The following ANO1 variants were observed in gnomAD, a reference collection of about 807,000 sequenced individuals.
ANO1 encodes anoctamin-1.
A neutral mutation model predicts 124.0 loss-of-function variants in ANO1; 59 were observed. The ratio of observed to expected loss-of-function variants is 0.48; its 90% CI spans 0.39 to 0.59. The LOEUF (loss-of-function observed/expected upper bound fraction) is 0.59. Among genes scored for constraint, ANO1 ranks in the 20% least tolerant of loss-of-function variants. ANO1 has a pLI of 0.00. For synonymous variants in ANO1, 529 were observed against 532.0 expected (o/e 0.99, Z 0.08); for missense variants, 1,059 against 1,328.0 (o/e 0.80, Z 3.15).
At chr11:70,163,642 A>T (rs2048140830) in intron 19 of ANO1, 1 of 590,240 alleles carries the variant, frequency 1.7e-6, no homozygotes, top group East Asian at 2.8e-5. Context: ...TCTGGTTAAG[A>T]TGAATTAATG....
chr11:70,132,723 G>A (rs1183084302), intron 11 of ANO1, among the ~76,000 whole-genome samples: 1 of 152,196 alleles, frequency 6.6e-6, no homozygotes, highest in East Asian at 1.9e-4. Context: ...AGTGGTGGCT[G>A]AATGCATTTC....
intron 1 of ANO1, among the ~76,000 whole-genome samples, chr11:69,987,008 C>A (rs955193672): frequency 2.0e-5 from 3 of 152,192 alleles, no homozygotes; most frequent in Non-Finnish European, 4.4e-5. Context: ...GGAAGCCCTC[C>A]TTTTATTCTT....
At chr11:70,128,801 A>C (rs572733733) in intron 10 of ANO1, among the ~76,000 whole-genome samples, 3 of 152,346 alleles carry the variant, frequency 2.0e-5, no homozygotes, top group Admixed American at 2.0e-4. Context: ...AGGGGGATTT[A>C]AAACCAGCAG....
chr11:70,012,113 T>C (rs11819911), intron 1 of ANO1, among the ~76,000 whole-genome samples: 6,694 of 152,156 alleles, frequency 0.044, 481 homozygotes, highest in African/African-American at 0.15. Context: ...CACATATCCA[T>C]TTGTCCATCT....
chr11:70,012,006 C>T (rs1856605715), intron 1 of ANO1, among the ~76,000 whole-genome samples: 3 of 151,822 alleles, frequency 2.0e-5, no homozygotes, highest in Admixed American at 2.0e-4. Context: ...ATCTTTCCAT[C>T]CATCCATCCA....
chr11:70,078,029 TC>T (rs10710374), upstream of ANO1, among the ~76,000 whole-genome samples: 124,477 of 151,656 alleles, frequency 0.82, 51,767 homozygotes, highest in East Asian at 0.97. Flanking sequence ...GAAGCTTCAC[TC>T]CCCCCGGAGG....
At chr11:70,066,016 T>C (rs1187919329) in intron 1 of ANO1, among the ~76,000 whole-genome samples, 1 of 152,248 alleles carries the variant, frequency 6.6e-6, no homozygotes, top group Non-Finnish European at 1.5e-5. Flanking sequence ...TTCTGGCTCC[T>C]GGTTTTGCTC....
chr11:70,022,514 G>C (rs1374620746), intron 1 of ANO1, among the ~76,000 whole-genome samples: 2 of 151,988 alleles, frequency 1.3e-5, no homozygotes, highest in Non-Finnish European at 2.9e-5. Context: ...CAGATGAATT[G>C]CTCAAGCCTG....
At chr11:70,159,558 G>A (rs1429051540) in intron 16 of ANO1, among the ~76,000 whole-genome samples, 3 of 152,228 alleles carry the variant, frequency 2.0e-5, no homozygotes, top group East Asian at 3.9e-4. Context: ...GCGAACAAAC[G>A]TTGGTTGAGC....
chr11:69,988,839 C>T (rs544177971), intron 1 of ANO1, among the ~76,000 whole-genome samples: 2 of 152,234 alleles, frequency 1.3e-5, no homozygotes, highest in South Asian at 4.1e-4. Flanking sequence ...TGGTATATCC[C>T]CTTCTCTTGG....
chr11:70,087,238 G>T (rs1482293215), intron 1 of ANO1, among the ~76,000 whole-genome samples: 2 of 152,150 alleles, frequency 1.3e-5, no homozygotes, highest in Non-Finnish European at 2.9e-5. Flanking sequence ...GGAAAACTGG[G>T]TATTTTCCCC....
At chr11:70,059,599 G>A (rs1291777776) in intron 1 of ANO1, among the ~76,000 whole-genome samples, 3 of 152,140 alleles carry the variant, frequency 2.0e-5, no homozygotes, top group East Asian at 1.9e-4. Context: ...CAAGCCTGAT[G>A]CGTAGGAAAA....
At chr11:70,175,904 A>G (rs2048675142) in intron 22 of ANO1, among the ~76,000 whole-genome samples, 1 of 152,196 alleles carries the variant, frequency 6.6e-6, no homozygotes, top group Admixed American at 6.5e-5. Context: ...TTACTTAGAG[A>G]TGTCAATGAA....
rs77355130 is a variant in ANO1, at chr11:70,103,618, T to C, written c.541-381T>C. 1.6e-4 allele frequency among the ~76,000 whole-genome samples: 24 copies of C among 152,320 alleles called. No homozygotes were observed. In the East Asian group the frequency reaches 4.4e-3, roughly 28 times the overall value. On this transcript the variant is annotated intron_variant, in intron 3 of 25. Coordinates refer to ENST00000355303, the MANE Select transcript of ANO1 (RefSeq NM_018043.7). The stretch of plus-strand genomic sequence containing the variant: ...TTGTATCTAAAAAGCAGTTTGACAG[T>C]GTGTTCCCAGAAGCTTAGCTTGGAG...
In ANO1 at chr11:70,054,256, T is replaced by G. The variant is rs114252457; in HGVS notation, c.59-24286T>G. ...AGATATTCAGACCATGCCTAGATGTTAATGGACCCCAGCCTGCTCCCAGAG... is the reference window on the plus strand; with the variant it reads ...AGATATTCAGACCATGCCTAGATGTGAATGGACCCCAGCCTGCTCCCAGAG... On this transcript the variant is annotated intron_variant, in intron 1 of 27. Transcript: ENST00000531349. Among the ~76,000 whole-genome samples the G allele has an allele frequency of 8.4e-3, 1,285 of 152,266 alleles. 19 individuals are homozygous for G. The highest frequency in any genetic ancestry group is 0.029 in the African/African-American group (1,219 of 41,554).
chr11:70,088,526 A>AAGAAGAAG (rs1555014770), intron 2 of ANO1, among the ~76,000 whole-genome samples: 2 of 93,402 alleles, frequency 2.1e-5, no homozygotes, highest in Middle Eastern at 5.3e-3. Context: ...AAAAAAAAAA[A>AAGAAGAAG]AAGAAGAAGA....
upstream of ANO1, among the ~76,000 whole-genome samples, chr11:69,984,323 C>T (rs1554996598): frequency 6.6e-6 from 1 of 150,896 alleles, no homozygotes; most frequent in African/African-American, 2.4e-5. Context: ...GGTGAGCCTG[C>T]CGCCCACGGA....
intron 11 of ANO1, among the ~76,000 whole-genome samples, chr11:70,143,981 TC>T (rs2135586321): frequency 6.6e-6 from 1 of 152,064 alleles, no homozygotes; most frequent in East Asian, 1.9e-4. Flanking sequence ...AAGCAGTCGG[TC>T]CCCCTTTCCC....
intron 9 of ANO1, among the ~76,000 whole-genome samples, chr11:70,124,775 C>T (rs561150981): frequency 6.7e-4 from 102 of 152,318 alleles, no homozygotes; most frequent in African/African-American, 1.5e-3. Flanking sequence ...CCAAGAGGAT[C>T]TCTGTCCTCA....
Sources: allele counts gnomAD v4.1 joint callset (sites outside exome capture counted in the v4.1 genomes callset), GRCh38; gene constraint gnomAD v4.1.1; transcripts MANE v1.5; gene names NCBI Gene and HGNC (gene_info 2026-07-23, HGNC 2026-07-21).